NRXN3: variants seen among roughly 807,000 people sequenced by gnomAD.
NRXN3 encodes neurexin 3.
In NRXN3, 32 loss-of-function variants were observed where a neutral mutation model predicts 137.6. That is an observed-to-expected ratio of 0.23 (90% CI 0.18 to 0.31). NRXN3 has a LOEUF of 0.31. Among genes scored for constraint, NRXN3 ranks in the 10% least tolerant of loss-of-function variants. The pLI is 1.00. For synonymous variants in NRXN3, 798 were observed against 784.5 expected (o/e 1.02, Z -0.29); for missense variants, 1,574 against 2,062.5 (o/e 0.76, Z 4.59).
In NRXN3 at chr14:79,026,138, T is replaced by A. The variant is rs114885748; in HGVS notation, c.3262+37997T>A. ...CTGGAAAAATGTGCTCAAGAACTGA[T>A]CTTAAGTAAATAAGCCTATAGTATA... On this transcript the variant is annotated intron_variant, in intron 15 of 20. Transcript: ENST00000335750. Among the ~76,000 whole-genome samples the A allele has an allele frequency of 6.4e-3, 967 of 152,250 alleles. 10 individuals are homozygous for A. The highest frequency in any genetic ancestry group is 0.022 in the African/African-American group (917 of 41,558).
At chr14:78,376,725 G>A (rs569704488) in intron 4 of NRXN3, among the ~76,000 whole-genome samples, 40 of 152,234 alleles carry the variant, frequency 2.6e-4, no homozygotes, top group African/African-American at 9.6e-4. Context: ...AACTGGAAAG[G>A]GGAAGCCTAC....
At chr14:78,629,704 G>A (rs1483057759) in intron 4 of NRXN3, among the ~76,000 whole-genome samples, 1 of 152,178 alleles carries the variant, frequency 6.6e-6, no homozygotes, top group Non-Finnish European at 1.5e-5. Flanking sequence ...TATTCATGGT[G>A]GTGTACAATG....
chr14:78,821,886 C>A (rs2098951826), intron 10 of NRXN3, among the ~76,000 whole-genome samples: 1 of 152,150 alleles, frequency 6.6e-6, no homozygotes. Flanking sequence ...CTAATAGAAC[C>A]AATTTACAAA....
In NRXN3 at chr14:78,915,370, A is replaced by C. The variant is rs397834860; in HGVS notation, c.2276-41872A>C. Among the ~76,000 whole-genome samples the C allele has an allele frequency of 1.6e-3, 236 of 145,244 alleles. 4 individuals are homozygous for C. The highest frequency in any genetic ancestry group is 5.9e-3 in the African/African-American group (225 of 38,346). On this transcript the variant is annotated intron_variant, in intron 10 of 20. Coordinates refer to ENST00000335750, the MANE Select transcript of NRXN3 (RefSeq NM_001330195.2). ...CAAAAAAAAAAAAAAAAAAAAAAAA[A>C]AACCACACAGAAAAAAAACAAGCAA...
chr14:78,726,965 A>G (rs932620091), intron 8 of NRXN3, among the ~76,000 whole-genome samples: 1 of 151,604 alleles, frequency 6.6e-6, no homozygotes, highest in African/African-American at 2.4e-5. Flanking sequence ...TCACTAAAAA[A>G]AAAAAAAAAA....
intron 1 of NRXN3, among the ~76,000 whole-genome samples, chr14:78,233,431 C>G (rs940134635): frequency 6.6e-6 from 1 of 152,114 alleles, no homozygotes; most frequent in East Asian, 1.9e-4. Flanking sequence ...ACCGCACCAG[C>G]CCTGAGTCAT....
At chr14:78,460,413 C>A (rs925937840) in intron 4 of NRXN3, among the ~76,000 whole-genome samples, 5 of 152,118 alleles carry the variant, frequency 3.3e-5, no homozygotes, top group Non-Finnish European at 7.4e-5. Flanking sequence ...TTTTTCTGGC[C>A]CCCATCTAGG....
chr14:79,405,115 C>T (rs1405612721), intron 15 of NRXN3, among the ~76,000 whole-genome samples: 2 of 152,144 alleles, frequency 1.3e-5, no homozygotes, highest in South Asian at 4.1e-4. Context: ...CTCTGACTAG[C>T]AACAGGCCAG....
In NRXN3 at chr14:78,714,855, A is replaced by G. The variant is rs1464390898; in HGVS notation, c.1760A>G (p.Glu587Gly). The change falls in exon 8 of 21, where the codon GAG (glutamate) becomes GGG (glycine). Residue 587 changes from glutamate (E) to glycine (G), a missense_variant. Physicochemically the swap from Glu to Gly is moderately conservative, Grantham distance 98. Transcript: ENST00000335750. ...EGDMYLGGLP[E>G]NRAGLILPTE... is the part of the protein sequence containing the mutation. ...GACATGTACCTGGGAGGGCTGCCGG[A>G]GAACCGTGCTGGCCTTATTCTCCCC... 9 of 1,614,066 alleles carry G rather than the reference A, an allele frequency of 5.6e-6. No homozygotes were observed. The highest frequency in any genetic ancestry group is 7.6e-6 in the Non-Finnish European group (9 of 1,180,016).
chr14:79,061,238 G>C (rs1379290346), intron 15 of NRXN3, among the ~76,000 whole-genome samples: 1 of 152,144 alleles, frequency 6.6e-6, no homozygotes. Context: ...TATTCTAGAG[G>C]AAGAGACACA....
At chr14:78,316,779 C>CTGGT (rs1567240616) in intron 4 of NRXN3, among the ~76,000 whole-genome samples, 1 of 152,112 alleles carries the variant, frequency 6.6e-6, no homozygotes, top group East Asian at 1.9e-4. Flanking sequence ...TGACCAAGAC[C>CTGGT]TAGTGTTTGT....
At chr14:79,198,648 A>G (rs565626127) in intron 15 of NRXN3, among the ~76,000 whole-genome samples, 1 of 152,350 alleles carries the variant, frequency 6.6e-6, no homozygotes, top group East Asian at 1.9e-4. Flanking sequence ...TGATGCACAG[A>G]AGTTAAATGT....
chr14:79,275,253 C>G (rs996663469), intron 15 of NRXN3, among the ~76,000 whole-genome samples: 6 of 151,992 alleles, frequency 3.9e-5, no homozygotes, highest in African/African-American at 1.5e-4. Flanking sequence ...GTTTTTCTCT[C>G]CCTAAATTGC....
At chr14:78,251,090 G>A (rs1338378556) in intron 2 of NRXN3, among the ~76,000 whole-genome samples, 1 of 152,152 alleles carries the variant, frequency 6.6e-6, no homozygotes, top group Non-Finnish European at 1.5e-5. Flanking sequence ...GGAGGTAGTT[G>A]GAGCACAGGT....
At chr14:78,314,986 CCTTTCTCTT>C (rs1567235990) in intron 4 of NRXN3, among the ~76,000 whole-genome samples, 53 of 84,562 alleles carry the variant, frequency 6.3e-4, no homozygotes, top group African/African-American at 2.8e-3. Flanking sequence ...TTCCTTCCTT[CCTTTCTCTT>C]TCTTTCTTTC....
intron 4 of NRXN3, among the ~76,000 whole-genome samples, chr14:78,434,189 G>A (rs2093985263): frequency 1.3e-5 from 2 of 152,168 alleles, no homozygotes; most frequent in Admixed American, 1.3e-4. Context: ...GGTGACTACT[G>A]AATGCGTAAC....
chr14:78,909,596 T>A (rs2099230692), intron 10 of NRXN3, among the ~76,000 whole-genome samples: 1 of 152,170 alleles, frequency 6.6e-6, no homozygotes, highest in Non-Finnish European at 1.5e-5. Flanking sequence ...TTTGACTTCT[T>A]CTGACTTCTT....
At chr14:78,619,488 C>T (rs556112064) in intron 4 of NRXN3, among the ~76,000 whole-genome samples, 58 of 152,166 alleles carry the variant, frequency 3.8e-4, no homozygotes, top group African/African-American at 1.3e-3. Context: ...GTGTCCCACC[C>T]GAATCTCATC....
intron 19 of NRXN3, among the ~76,000 whole-genome samples, chr14:79,700,974 G>A (rs2098752439): frequency 6.6e-6 from 1 of 152,022 alleles, no homozygotes; most frequent in Non-Finnish European, 1.5e-5. Context: ...TCAAGTAAAG[G>A]CCTGGCACTT....
Sources: gnomAD v4.1 joint callset for allele counts (sites outside exome capture counted in the v4.1 genomes callset) on GRCh38, gnomAD v4.1.1 for gene constraint, MANE v1.5 for transcripts, NCBI Gene and HGNC (gene_info 2026-07-23, HGNC 2026-07-21) for gene names.